SAMD9L: variants seen among roughly 807,000 people sequenced by gnomAD.
SAMD9L encodes sterile alpha motif domain-containing protein 9-like.
A neutral mutation model predicts 90.7 loss-of-function variants in SAMD9L; 68 were observed. The observed-to-expected ratio is 0.75, with a 90% confidence interval of 0.62 to 0.92. The LOEUF (loss-of-function observed/expected upper bound fraction) is 0.92, where lower values mean the gene tolerates loss of function less well. Among genes scored for constraint, SAMD9L ranks in the 40% least tolerant of loss-of-function variants. The pLI is 0.00. For missense variants in SAMD9L, 1,604 were observed against 1,824.3 expected (o/e 0.88, Z 2.20); for synonymous variants, 640 against 630.1 (o/e 1.02, Z -0.23).
intron 1 of SAMD9L, among the ~76,000 whole-genome samples, 166 bp from the exon 2 acceptor site, chr7:93,147,312 G>A (rs1396922579): frequency 6.6e-6 from 1 of 152,136 alleles, no homozygotes; most frequent in African/African-American, 2.4e-5. Context: ...CTTTCTAGGG[G>A]CCCTCAGTGT....
chr7:93,143,595 C>T (rs1792780373), intron 4 of SAMD9L, among the ~76,000 whole-genome samples: 1 of 152,226 alleles, frequency 6.6e-6, no homozygotes, highest in African/African-American at 2.4e-5. Flanking sequence ...CATCTACCTA[C>T]CGACCTGCTT....
chr7:93,141,258 G>A (rs1157217894), intron 4 of SAMD9L, among the ~76,000 whole-genome samples: 1 of 152,158 alleles, frequency 6.6e-6, no homozygotes, highest in Non-Finnish European at 1.5e-5. Context: ...ATGTTGACGT[G>A]CCTCTCAGAC....
intron 4 of SAMD9L, among the ~76,000 whole-genome samples, chr7:93,140,668 T>C (rs1792655334): frequency 2.0e-5 from 3 of 152,234 alleles, no homozygotes; most frequent in Admixed American, 1.3e-4. Flanking sequence ...AAACCACATC[T>C]ACCCATCAAC....
At position 93,131,538 on chromosome 7, in the gene SAMD9L, C is replaced by T. The variant is rs149666036; in HGVS notation, c.4434G>A (p.Leu1478=). ...TACTGTTTAGACCCTTCCTTTTGCC[C>T]AGATAGAAAAGTGTGCTTGCCTGCT... is the stretch of plus-strand genomic sequence containing the variant. ...RSKQASTLFY[L]GKRKGLNSIV... Residue 1478 remains leucine (L), a synonymous_variant, in exon 5 of 5, where the codon CTG becomes CTA. Transcript: ENST00000318238. 116 of 1,613,832 alleles carry T rather than the reference C, an allele frequency of 7.2e-5. No individual in the cohort carries two copies. Among genetic ancestry groups the T allele is most frequent in the Non-Finnish European group, 9.8e-5 (116 of 1,179,902 alleles).
Position 93,133,698 on chromosome 7 carries a change from T to C in SAMD9L, c.2274A>G (p.Leu758=). Residue 758 remains leucine (L), a synonymous_variant, in exon 5 of 5, where the codon TTA becomes TTG. Coordinates refer to ENST00000318238, the MANE Select transcript of SAMD9L (RefSeq NM_152703.5). ...ACACAGCACATCTGAAGTTTTTCTT[T>C]AAGTCCCAGAGAACATGCATAGCCA... The part of the protein sequence containing the change: ...TTLAMHVLWD[L]KKNFRCAVLK... The C allele has an allele frequency of 6.2e-7, 1 of 1,613,530 alleles. No homozygotes were observed. Among genetic ancestry groups the C allele is most frequent in the Non-Finnish European group, 8.5e-7 (1 of 1,179,844 alleles).
At chr7:93,143,522 T>C (rs1792776552) in intron 4 of SAMD9L, among the ~76,000 whole-genome samples, 1 of 152,228 alleles carries the variant, frequency 6.6e-6, no homozygotes, top group African/African-American at 2.4e-5. Context: ...GTCACCTTGC[T>C]TCCTGTTTAA....
chr7:93,136,760 A>T (rs1044462525), intron 4 of SAMD9L, among the ~76,000 whole-genome samples: 1 of 152,246 alleles, frequency 6.6e-6, no homozygotes, highest in African/African-American at 2.4e-5. Context: ...CTCCTAGAAC[A>T]GGGGTTCTTA....
rs1792099760 is a variant in SAMD9L, at chr7:93,131,580, C to T, written c.4392G>A (p.Lys1464=). The change falls in exon 5 of 5, where the codon AAG becomes AAA. Residue 1464 remains lysine, a synonymous_variant. Coordinates refer to ENST00000318238, the MANE Select transcript of SAMD9L (RefSeq NM_152703.5). ...TTGCCTGCTTGGACCTGCACATGCG[C>T]TTGTACTGTCCCCTGAAGGATCTAT... ...SLNRSFRGQY[K]RMCRSKQAST... 1 of 1,613,860 alleles carries T rather than the reference C, an allele frequency of 6.2e-7. No individual in the cohort carries two copies. Among genetic ancestry groups the T allele is most frequent in the African/African-American group, 1.3e-5 (1 of 74,908 alleles).
At chr7:93,140,488 G>A (rs762867180) in intron 4 of SAMD9L, among the ~76,000 whole-genome samples, 10 of 152,172 alleles carry the variant, frequency 6.6e-5, no homozygotes, top group Admixed American at 2.6e-4. Context: ...ATTTCTCTGC[G>A]TTAGTCAACC....
Position 93,131,703 on chromosome 7 carries a change from A to C in SAMD9L, c.4269T>G (p.Tyr1423Ter). 2.5e-6 allele frequency: 4 copies of C among 1,613,920 alleles called. No individual in the cohort carries two copies. The highest frequency in any genetic ancestry group is 2.5e-6 in the Non-Finnish European group (3 of 1,179,868). The change falls in exon 5 of 5, where the codon TAT becomes TAG. Residue 1423 changes from tyrosine to a stop codon, truncating the protein, a stop_gained. Transcript: ENST00000318238. LOFTEE classifies it high-confidence loss of function. ...GGCAGGCCAAGAAATAAGGACCTGG[A>C]TATTGATGACTTAGTCCTACAAATT... ...VLQFVGLSHQ[Y>*]PGPYFLACLL...
In SAMD9L at chr7:93,130,273, G is replaced by A. The variant is rs1792030465; in HGVS notation, c.*944C>T. 1 of 152,098 alleles carries A rather than the reference G, an allele frequency of 6.6e-6. No individual in the cohort carries two copies. The highest frequency in any genetic ancestry group is 2.4e-5 in the African/African-American group (1 of 41,420). 9.4% of individuals were successfully genotyped at this position (152,098 alleles called of 1,614,324 possible). On this transcript the variant is annotated 3_prime_UTR_variant, in exon 5 of 5. Coordinates refer to ENST00000318238, the MANE Select transcript of SAMD9L (RefSeq NM_152703.5). Reference sequence around the variant, plus strand: ...TACCATGAGGAAGCCCTCTAATCAGGCAGGAATGATGGTGGTCAAGGAAGA... The same window carrying A: ...TACCATGAGGAAGCCCTCTAATCAGACAGGAATGATGGTGGTCAAGGAAGA...
rs1792354916 is a variant in SAMD9L, at chr7:93,134,975, A to G, written c.997T>C (p.Trp333Arg). Residue 333 changes from tryptophan to arginine, a missense_variant, in exon 5 of 5, where the codon TGG (tryptophan) becomes CGG (arginine). Around this residue, in one of 7 missense-constraint regions of SAMD9L, gnomAD observed 374 missense variants for 363.6 expected, o/e 1.03. Coordinates refer to ENST00000318238, the MANE Select transcript of SAMD9L (RefSeq NM_152703.5). ...AGTGAAAGATTTTGGTTTTGTTTCC[A>G]TATTTTATCTTTACAAATTTGCATC... ...IQMQICKDKI[W>R]KQNQNLSLFV... 2 of 1,613,512 alleles carry G rather than the reference A, an allele frequency of 1.2e-6. No individual in the cohort carries two copies. The highest frequency in any genetic ancestry group is 2.2e-5 in the South Asian group (2 of 91,066).
intron 4 of SAMD9L, among the ~76,000 whole-genome samples, chr7:93,140,507 T>C (rs189472965): frequency 7.2e-5 from 11 of 152,358 alleles, no homozygotes; most frequent in Middle Eastern, 3.4e-3. Context: ...CCTCTTCACT[T>C]GCAGTAGTCA....
Position 93,130,937 on chromosome 7 carries a change from A to T in SAMD9L, c.*280T>A. 3.6e-6 allele frequency: 1 copy of T among 275,822 alleles called. No individual in the cohort carries two copies. The highest frequency in any genetic ancestry group is 1.0e-3 in the Middle Eastern group (1 of 954). The allele number at this position is 275,822 out of a possible 1,614,324, so 17.1% of individuals were successfully genotyped here. On this transcript the variant is annotated 3_prime_UTR_variant, in exon 5 of 5. Transcript: ENST00000318238. ...ACACAGATTTTATTGCCCTATAGACAGTTATGATGTGACCAGTGGATATCA... is the reference window on the plus strand; with the variant it reads ...ACACAGATTTTATTGCCCTATAGACTGTTATGATGTGACCAGTGGATATCA...
Position 93,131,528 on chromosome 7 carries a change from TC to T in SAMD9L, c.4443del (p.Lys1482ArgfsTer3). ...QASTLFYLGKRKGLNSIVHKA... is the reference protein window; with the variant it reads ...QASTLFYLGKXKGLNSIVHKA... Reference sequence around the variant, plus strand: ...TTGTGAACAATACTGTTTAGACCCTTCCTTTTGCCCAGATAGAAAAGTGTGC... The same window carrying T: ...TTGTGAACAATACTGTTTAGACCCTTCTTTTGCCCAGATAGAAAAGTGTGC... On this transcript the variant is annotated frameshift_variant, in exon 5 of 5. Transcript: ENST00000318238. LOFTEE classifies it high-confidence loss of function. 1 of 1,613,988 alleles carries T rather than the reference TC, an allele frequency of 6.2e-7. No individual in the cohort carries two copies. The highest frequency in any genetic ancestry group is 8.5e-7 in the Non-Finnish European group (1 of 1,179,912).
chr7:93,138,360 TAATC>T (rs1213390053), intron 4 of SAMD9L, among the ~76,000 whole-genome samples: 1 of 152,118 alleles, frequency 6.6e-6, no homozygotes, highest in African/African-American at 2.4e-5. Context: ...AAAACAGTGA[TAATC>T]AAAACAGATG....
At chr7:93,139,943 C>G (rs142945415) in intron 4 of SAMD9L, among the ~76,000 whole-genome samples, 172 of 152,310 alleles carry the variant, frequency 1.1e-3, no homozygotes, top group African/African-American at 4.0e-3. Context: ...CTTTTACTGA[C>G]TTAATATTTC....
Position 93,131,933 on chromosome 7 carries a change from G to A in SAMD9L, c.4039C>T (p.Leu1347Phe). The change falls in exon 5 of 5, where the codon CTT becomes TTT. Residue 1347 changes from leucine (L) to phenylalanine (F), a missense_variant. Around this residue, in one of 7 missense-constraint regions of SAMD9L, gnomAD observed 282 missense variants for 329.6 expected, o/e 0.86. Transcript: ENST00000318238. ...GTAGCATCTTTGTAGTTTGGATTAA[G>A]ATATTCCAAGAGTCCAGCAAACCTA... ...ADRFAGLLEY[L>F]NPNYKDATTM... 1 of 1,612,896 alleles carries A rather than the reference G, an allele frequency of 6.2e-7. No homozygotes were observed. Among genetic ancestry groups the A allele is most frequent in the Non-Finnish European group, 8.5e-7 (1 of 1,179,640 alleles).
intron 4 of SAMD9L, 93 bp from the exon 5 acceptor site, chr7:93,136,084 CATATAT>C: frequency 1.2e-6 from 1 of 805,542 alleles, no homozygotes; most frequent in South Asian, 2.4e-5. Context: ...ACAGAAGATA[CATATAT>C]ATATGTATAA....
Sources: allele counts gnomAD v4.1 joint callset (sites outside exome capture counted in the v4.1 genomes callset), GRCh38; gene constraint gnomAD v4.1.1; regional missense constraint gnomAD v4.1.1; transcripts MANE v1.5; gene names NCBI Gene and HGNC (gene_info 2026-07-23, HGNC 2026-07-21).